The following CEP128 variants were observed in gnomAD, a reference collection of about 807,000 sequenced individuals.
CEP128 encodes centrosomal protein 128kDa.
In CEP128, 132 loss-of-function variants were observed where a neutral mutation model predicts 156.7. That is an observed-to-expected ratio of 0.84 (90% CI 0.73 to 0.97). CEP128 has a LOEUF of 0.97. Ranked by LOEUF, CEP128 falls within the 50% of genes least tolerant of loss-of-function variation. The probability of loss-of-function intolerance (pLI) is 0.00; values close to 1 mark genes in which losing one functional copy is unlikely to be tolerated. For missense variants in CEP128, 1,252 were observed against 1,281.9 expected (o/e 0.98, Z 0.36); for synonymous variants, 469 against 448.9 (o/e 1.04, Z -0.57).
chr14:80,597,950 C>CAAAAAAAA lies in CEP128; in HGVS notation c.2807-17535_2807-17528dup, dbSNP rs34001813. ...GAACTAGAAGGGAATTCCTCAGCTA[C>CAAAAAAAA]AAAAAAAAAAAAAAAAAAAACAAAA... On this transcript the variant is annotated intron_variant, in intron 19 of 24. Coordinates refer to ENST00000555265, the MANE Select transcript of CEP128 (RefSeq NM_152446.5). 2.0e-3 allele frequency among the ~76,000 whole-genome samples: 161 copies of CAAAAAAAA among 79,952 alleles called. 2 individuals carry two copies. The highest frequency in any genetic ancestry group is 5.3e-3 in the African/African-American group (106 of 19,846). 52.5% of individuals were successfully genotyped at this position (79,952 alleles called of 152,430 possible).
intron 19 of CEP128, among the ~76,000 whole-genome samples, chr14:80,737,942 A>G (rs988768537): frequency 6.6e-6 from 1 of 152,220 alleles, no homozygotes; most frequent in Non-Finnish European, 1.5e-5. Flanking sequence ...CAGAGTCCAA[A>G]TAAATAAATG....
intron 19 of CEP128, among the ~76,000 whole-genome samples, chr14:80,680,370 C>T (rs1461631399): frequency 6.6e-6 from 1 of 152,174 alleles, no homozygotes; most frequent in Non-Finnish European, 1.5e-5. Context: ...AGACCAGCAT[C>T]CCACCCTTCG....
chr14:80,902,946 CA>C (rs1871795538), intron 6 of CEP128, among the ~76,000 whole-genome samples: 1 of 152,206 alleles, frequency 6.6e-6, no homozygotes, highest in East Asian at 1.9e-4. Context: ...TAACAAAACT[CA>C]AAACAAAGAT....
At chr14:80,755,631 G>A (rs561686284) in intron 18 of CEP128, among the ~76,000 whole-genome samples, 7 of 152,262 alleles carry the variant, frequency 4.6e-5, no homozygotes, top group African/African-American at 1.4e-4. Context: ...ACTGCAAGAC[G>A]TCAGAATGGA....
intron 18 of CEP128, among the ~76,000 whole-genome samples, chr14:80,753,294 A>G (rs1296786193): frequency 6.6e-6 from 1 of 151,346 alleles, no homozygotes; most frequent in Non-Finnish European, 1.5e-5. Context: ...GCAAACGGGG[A>G]ATTTCAACAC....
At position 80,575,140 on chromosome 14, in the gene CEP128, T is replaced by C. The variant is rs1050930262; in HGVS notation, c.2856+5234A>G. Among the ~76,000 whole-genome samples the C allele has an allele frequency of 4.0e-5, 6 of 149,636 alleles. No individual in the cohort carries two copies. The East Asian group carries it at 1.2e-3, about 29-fold the overall frequency. ...ATAAATCTGTAATTAAAATCTATTA[T>C]ATAGTATATGAAATATTCATATACA... On this transcript the variant is annotated intron_variant, in intron 20 of 24. Transcript: ENST00000555265.
intron 19 of CEP128, among the ~76,000 whole-genome samples, chr14:80,715,901 A>C (rs994350651): frequency 6.6e-6 from 1 of 152,228 alleles, no homozygotes; most frequent in South Asian, 2.1e-4. Context: ...AATGCTTGGC[A>C]AAAGAAATTG....
chr14:80,548,724 G>A (rs1890090122), intron 21 of CEP128, among the ~76,000 whole-genome samples: 1 of 152,162 alleles, frequency 6.6e-6, no homozygotes, highest in South Asian at 2.1e-4. Context: ...AAGTTAGAAA[G>A]GCAGTATGAC....
At chr14:80,894,539 G>C (rs1382627160) in intron 8 of CEP128, 2 of 405,394 alleles carry the variant, frequency 4.9e-6, no homozygotes, top group African/African-American at 5.3e-5. Flanking sequence ...AAAAAATCTA[G>C]AACTTTATGC....
At chr14:80,664,285 G>T (rs1320801953) in intron 19 of CEP128, among the ~76,000 whole-genome samples, 1 of 152,132 alleles carries the variant, frequency 6.6e-6, no homozygotes, top group East Asian at 1.9e-4. Flanking sequence ...AGAAGCAATA[G>T]ACAGAGTTCA....
intron 19 of CEP128, among the ~76,000 whole-genome samples, chr14:80,593,411 G>A (rs528653936): frequency 1.2e-3 from 179 of 151,870 alleles, no homozygotes; most frequent in African/African-American, 4.3e-3. Context: ...CATGGTGGAA[G>A]GCGCCTGTAG....
chr14:80,787,656 T>C (rs1404439359), intron 14 of CEP128, among the ~76,000 whole-genome samples: 2 of 152,058 alleles, frequency 1.3e-5, no homozygotes, highest in East Asian at 3.9e-4. Context: ...AAAGATAGCA[T>C]GGGAGGGACT....
intron 19 of CEP128, among the ~76,000 whole-genome samples, chr14:80,631,621 G>A (rs935668647): frequency 1.3e-5 from 2 of 152,036 alleles, no homozygotes; most frequent in Non-Finnish European, 2.9e-5. Context: ...TTGATTTGAT[G>A]TTGTAACTGA....
At chr14:80,568,555 A>C (rs1424909351) in intron 20 of CEP128, among the ~76,000 whole-genome samples, 1 of 152,062 alleles carries the variant, frequency 6.6e-6, no homozygotes, top group African/African-American at 2.4e-5. Flanking sequence ...AGCATTCTAC[A>C]CTAGAGGGGC....
At chr14:80,938,573 A>G (rs1443628562) in intron 2 of CEP128, among the ~76,000 whole-genome samples, 1 of 152,060 alleles carries the variant, frequency 6.6e-6, no homozygotes, top group Non-Finnish European at 1.5e-5. Context: ...GCAAGTCCGC[A>G]GTGTGTCTCC....
intron 13 of CEP128, among the ~76,000 whole-genome samples, chr14:80,818,446 GTTC>G (rs1884988191): frequency 6.6e-6 from 1 of 152,216 alleles, no homozygotes; most frequent in Non-Finnish European, 1.5e-5. Flanking sequence ...ACCAAAAGAA[GTTC>G]TTCAGGCAAA....
At chr14:80,673,875 T>C (rs907807531) in intron 19 of CEP128, among the ~76,000 whole-genome samples, 3 of 151,882 alleles carry the variant, frequency 2.0e-5, no homozygotes, top group Non-Finnish European at 4.4e-5. Context: ...GAATACGCTA[T>C]CTTCACTGCA....
chr14:80,810,323 C>CAAAAAAAAAAAA (rs71103883), intron 13 of CEP128, among the ~76,000 whole-genome samples: 243 of 15,200 alleles, frequency 0.016, 44 homozygotes, highest in East Asian at 0.03. Flanking sequence ...ACTCCATCTC[C>CAAAAAAAAAAAA]AAAAAAAAAA....
intron 16 of CEP128, among the ~76,000 whole-genome samples, chr14:80,769,774 T>G (rs1900424591): frequency 6.6e-6 from 1 of 152,314 alleles, no homozygotes; most frequent in Non-Finnish European, 1.5e-5. Context: ...GATTATTGCT[T>G]GTTCAACATT....
Sources: gnomAD v4.1 joint callset for allele counts (sites outside exome capture counted in the v4.1 genomes callset) on GRCh38, gnomAD v4.1.1 for gene constraint, MANE v1.5 for transcripts, NCBI Gene and HGNC (gene_info 2026-07-23, HGNC 2026-07-21) for gene names.